DUOX1: variants seen among roughly 807,000 people sequenced by gnomAD.
DUOX1 encodes the protein NADPH thyroid oxidase 1.
In DUOX1, 134 loss-of-function variants were observed where a neutral mutation model predicts 181.8. The ratio of observed to expected loss-of-function variants is 0.74; its 90% CI spans 0.64 to 0.85. DUOX1 has a LOEUF of 0.85. Among genes scored for constraint, DUOX1 ranks in the 40% least tolerant of loss-of-function variants. The pLI, the probability that DUOX1 is intolerant of heterozygous loss-of-function variation, is 0.00. For synonymous variants in DUOX1, 798 were observed against 832.5 expected (o/e 0.96, Z 0.71); for missense variants, 1,814 against 2,064.4 (o/e 0.88, Z 2.35).
intron 25 of DUOX1, 86 bp from the exon 26 acceptor site, chr15:45,153,294 T>G: frequency 1.0e-6 from 1 of 958,376 alleles, no homozygotes; most frequent in South Asian, 1.3e-5. Context: ...ACCCCCACTC[T>G]GGCCAGGGTC....
chr15:45,145,204 AT>A, intron 18 of DUOX1, 124 bp downstream of exon 18: 1 of 931,098 alleles, frequency 1.1e-6, no homozygotes, highest in Non-Finnish European at 1.5e-6. Context: ...GTCTATTGCA[AT>A]TTTGGATGAA....
intron 29 of DUOX1, 140 bp from the exon 30 acceptor site, chr15:45,161,598 C>T: frequency 9.2e-6 from 7 of 759,152 alleles, no homozygotes; most frequent in East Asian, 2.7e-5. Context: ...CCTGGGCCCC[C>T]ACAGGGTGAG....
chr15:45,150,780 C>T, intron 22 of DUOX1, 79 bp downstream of exon 22: 1 of 1,331,468 alleles, frequency 7.5e-7, no homozygotes, highest in Non-Finnish European at 1.1e-6. Flanking sequence ...GGGATCAGGG[C>T]CACCGCTAGC....
At chr15:45,137,837 C>T in intron 9 of DUOX1, 87 bp from the exon 10 acceptor site, 5 of 1,101,174 alleles carry the variant, frequency 4.5e-6, no homozygotes, top group Non-Finnish European at 5.1e-6. Context: ...CCTGGGGTCC[C>T]TGGATACCGC....
At chr15:45,152,877 A>G (rs1490039304) in intron 25 of DUOX1, 3 of 394,124 alleles carry the variant, frequency 7.6e-6, no homozygotes, top group Non-Finnish European at 1.4e-5. Flanking sequence ...GGTTGCGCAC[A>G]TGGATGGTGT....
In DUOX1 at chr15:45,135,152, C is replaced by T; in HGVS notation, c.356C>T (p.Pro119Leu). 2 of 1,613,838 alleles carry T rather than the reference C, an allele frequency of 1.2e-6. No homozygotes were observed. Among genetic ancestry groups the T allele is most frequent in the Non-Finnish European group, 1.7e-6 (2 of 1,179,928 alleles). ...DLVSVETPGCPAEFLNIRIPP... is the reference protein window; with the variant it reads ...DLVSVETPGCLAEFLNIRIPP... ...GTGAGCGTGGAAACTCCCGGCTGCC[C>T]CGCCGAGTTCCTCAACATTCGCATC... Residue 119 changes from proline (P) to leucine (L), a missense_variant, in exon 5 of 34, where the codon CCC becomes CTC. Pro to Leu is a moderately conservative substitution (Grantham distance 98, BLOSUM62 -3). Around this residue, in one of 5 missense-constraint regions of DUOX1, gnomAD observed 320 missense variants for 313.1 expected, o/e 1.02. Transcript: ENST00000389037.
At chr15:45,141,147 C>T in intron 13 of DUOX1, 77 bp downstream of exon 13, 2 of 1,586,060 alleles carry the variant, frequency 1.3e-6, no homozygotes, top group African/African-American at 1.3e-5. Context: ...TTAGACAGCC[C>T]CCATGAGCCC....
At chr15:45,153,521 T>TAATGG in intron 26 of DUOX1, 42 bp downstream of exon 26, 1 of 1,143,362 alleles carries the variant, frequency 8.7e-7, no homozygotes, top group Non-Finnish European at 1.3e-6. Flanking sequence ...TGTGTGTGTG[T>TAATGG]GTGTGTGTGT....
intron 31 of DUOX1, 105 bp downstream of exon 31, chr15:45,162,482 G>A: frequency 6.9e-7 from 1 of 1,459,044 alleles, no homozygotes. Flanking sequence ...TCCCTGAACT[G>A]GGCAGGGGCA....
At chr15:45,156,174 C>A (rs976175091) in intron 28 of DUOX1, among the ~76,000 whole-genome samples, 3 of 152,216 alleles carry the variant, frequency 2.0e-5, no homozygotes, top group African/African-American at 4.8e-5. Flanking sequence ...CCAGACTGAT[C>A]TCCATTCCTC....
At chr15:45,133,454 T>C (rs58330730) in intron 2 of DUOX1, among the ~76,000 whole-genome samples, 19,017 of 152,172 alleles carry the variant, frequency 0.12, 1,381 homozygotes, top group East Asian at 0.25. Context: ...GGCTGGCTCT[T>C]GCTCTGTGTG....
intron 29 of DUOX1, among the ~76,000 whole-genome samples, chr15:45,161,462 G>GAGGGAGGA (rs1567021732): frequency 1.3e-4 from 19 of 141,850 alleles, no homozygotes; most frequent in Non-Finnish European, 2.8e-4. Context: ...GGGAGGGAGG[G>GAGGGAGGA]AGGAAGGAAG....
rs200136141 is a variant in DUOX1 at position 45,164,845 on chromosome 15, C to T, written c.4600C>T (p.Gln1534Ter). ...GMTKNVEKAC[Q>*]LINRQDRTHF... is the part of the protein sequence containing the mutation. Reference sequence around the variant, plus strand: ...GACCAAGAATGTGGAAAAGGCCTGTCAGCTCATCAACAGGCAGGACCGGAC... The same window carrying T: ...GACCAAGAATGTGGAAAAGGCCTGTTAGCTCATCAACAGGCAGGACCGGAC... Residue 1534 changes from glutamine (Q) to a stop codon, truncating the protein, a stop_gained, in exon 34 of 34, where the codon CAG (glutamine) becomes TAG (stop). Transcript: ENST00000389037. LOFTEE classifies it high-confidence loss of function. 2.5e-6 allele frequency: 4 copies of T among 1,613,840 alleles called. No individual in the cohort carries two copies. The East Asian group carries it at 8.9e-5, about 36-fold the overall frequency.
chr15:45,159,858 A>G (rs1897053003), intron 28 of DUOX1, among the ~76,000 whole-genome samples: 1 of 152,200 alleles, frequency 6.6e-6, no homozygotes, highest in Admixed American at 6.5e-5. Context: ...TGAATGAGGA[A>G]GCAAAAGTAC....
intron 28 of DUOX1, among the ~76,000 whole-genome samples, chr15:45,158,210 T>C (rs1433732563): frequency 6.6e-5 from 10 of 152,166 alleles, no homozygotes; most frequent in Admixed American, 6.5e-4. Flanking sequence ...CACCCTGCCA[T>C]TGTACTCAGC....
At position 45,162,279 on chromosome 15, in the gene DUOX1, G is replaced by A. The variant is rs777968634; in HGVS notation, c.4150G>A (p.Val1384Met). The A allele has an allele frequency of 1.2e-6, 2 of 1,613,796 alleles. No individual in the cohort carries two copies. The highest frequency in any genetic ancestry group is 8.5e-7 in the Non-Finnish European group (1 of 1,179,846). The change falls in exon 31 of 34, where the codon GTG (valine) becomes ATG (methionine). Residue 1384 changes from valine (V) to methionine (M), a missense_variant. By Grantham distance (21) the Val-to-Met change is conservative (BLOSUM62 1). Coordinates refer to ENST00000389037, the MANE Select transcript of DUOX1 (RefSeq NM_175940.3). ...GGAGTGGCATAAGTTTGAGGTGTCA[G>A]TGTTAGTGGGAGGGGGCATTGGGGT... is the stretch of plus-strand genomic sequence containing the variant. ...HQEWHKFEVSVLVGGGIGVTP... is the reference protein window; with the variant it reads ...HQEWHKFEVSMLVGGGIGVTP...
Position 45,153,479 on chromosome 15 carries a change from G to C in DUOX1, c.3524G>C (p.Gly1175Ala). The change falls in exon 26 of 34, where the codon GGG becomes GCG. Residue 1175 changes from glycine to alanine, a missense_variant and splice_region_variant. By Grantham distance (60) the Gly-to-Ala change is moderately conservative. Transcript: ENST00000389037. ...TTTCCTGGCCTCTTCCATGATGATG[G>C]GTGAGTAAGTGCGAATGTGTGTGTG... ...CLFPGLFHDD[G>A]SELPQKYYWW... is the part of the protein sequence containing the mutation. The C allele has an allele frequency of 6.2e-7, 1 of 1,601,566 alleles. No individual in the cohort carries two copies. Among genetic ancestry groups the C allele is most frequent in the Non-Finnish European group, 8.5e-7 (1 of 1,171,002 alleles).
At chr15:45,150,748 C>A (rs1896780273) in intron 22 of DUOX1, 47 bp downstream of exon 22, 2 of 1,575,902 alleles carry the variant, frequency 1.3e-6, no homozygotes, top group Admixed American at 3.3e-5. Context: ...GGGGAGTTGC[C>A]ATTTCTCTCC....
chr15:45,147,958 A>G lies in DUOX1; in HGVS notation c.2603A>G (p.Asn868Ser). Residue 868 changes from asparagine to serine, a missense_variant, in exon 20 of 34, where the codon AAT (asparagine) becomes AGT (serine). Coordinates refer to ENST00000389037, the MANE Select transcript of DUOX1 (RefSeq NM_175940.3). ...LMFRMYDFDG[N>S]GLISKDEFIR... ...TTCCGCATGTACGACTTTGATGGGA[A>G]TGGCCTCATTTCCAAGGATGAGTTC... The G allele has an allele frequency of 5.0e-6, 8 of 1,614,176 alleles. No individual in the cohort carries two copies. The highest frequency in any genetic ancestry group is 6.8e-6 in the Non-Finnish European group (8 of 1,179,988).
Sources: allele counts gnomAD v4.1 joint callset (sites outside exome capture counted in the v4.1 genomes callset), GRCh38; gene constraint gnomAD v4.1.1; regional missense constraint gnomAD v4.1.1; transcripts MANE v1.5; gene names NCBI Gene and HGNC (gene_info 2026-07-23, HGNC 2026-07-21).